EYS: variants seen among roughly 807,000 people sequenced by gnomAD.
The protein encoded by EYS is EGF-like photoreceptor maintenance factor.
In EYS, 250 loss-of-function variants were observed where a neutral mutation model predicts 282.1. The ratio of observed to expected loss-of-function variants is 0.89; its 90% CI spans 0.80 to 0.98. The LOEUF (loss-of-function observed/expected upper bound fraction) is 0.98, where lower values mean the gene tolerates loss of function less well. EYS is among the 50% of genes least tolerant of loss of function. The pLI, the probability that EYS is intolerant of heterozygous loss-of-function variation, is 0.00. For missense variants in EYS, 4,016 were observed against 3,709.0 expected (o/e 1.08, Z -2.15); for synonymous variants, 1,355 against 1,282.9 (o/e 1.06, Z -1.20).
At chr6:65,071,945 T>A (rs1034967086) in intron 12 of EYS, among the ~76,000 whole-genome samples, 22 of 151,928 alleles carry the variant, frequency 1.4e-4, no homozygotes, top group African/African-American at 5.3e-4. Context: ...TGCTCTTTCA[T>A]CTTCTGAACC....
Position 63,992,433 on chromosome 6 carries a change from T to C in EYS, c.6834+6642A>G, listed in dbSNP as rs147448648. 1.8e-3 allele frequency among the ~76,000 whole-genome samples: 277 copies of C among 151,924 alleles called. 1 individual carries two copies. The highest frequency in any genetic ancestry group is 6.3e-3 in the African/African-American group (263 of 41,520). ...TAAGGGCAAAAGTATAAAATAACTA[T>C]AATTATAAAATATGTTAACATGTAC... On this transcript the variant is annotated intron_variant, in intron 34 of 42. Transcript: ENST00000503581.
chr6:65,123,407 G>C (rs1356300538), intron 12 of EYS, among the ~76,000 whole-genome samples: 2 of 152,068 alleles, frequency 1.3e-5, no homozygotes, highest in African/African-American at 2.4e-5. Flanking sequence ...ATGAGAAAAA[G>C]TTGTAATTAA....
At chr6:64,976,137 A>G (rs1187625465) in intron 14 of EYS, among the ~76,000 whole-genome samples, 3 of 152,034 alleles carry the variant, frequency 2.0e-5, no homozygotes, top group Admixed American at 2.0e-4. Flanking sequence ...AAGTGACAGT[A>G]AAAGAAGCTA....
intron 28 of EYS, among the ~76,000 whole-genome samples, chr6:64,393,700 C>A (rs1476864349): frequency 1.3e-5 from 2 of 151,308 alleles, no homozygotes; most frequent in African/African-American, 2.4e-5. Context: ...AAACTGGAAG[C>A]ATTCCCTTTG....
At chr6:64,348,949 C>A (rs990853114) in intron 29 of EYS, among the ~76,000 whole-genome samples, 1 of 151,222 alleles carries the variant, frequency 6.6e-6, no homozygotes, top group Non-Finnish European at 1.5e-5. Flanking sequence ...GTAGTTTTAC[C>A]CAGTGCTTTT....
At chr6:64,343,826 G>A (rs987216248) in intron 29 of EYS, among the ~76,000 whole-genome samples, 9 of 151,814 alleles carry the variant, frequency 5.9e-5, no homozygotes, top group African/African-American at 2.2e-4. Flanking sequence ...TAATAAAGAA[G>A]AAAAGAGAGA....
At chr6:63,796,286 TTACA>T (rs983484070) in intron 37 of EYS, among the ~76,000 whole-genome samples, 3 of 152,142 alleles carry the variant, frequency 2.0e-5, no homozygotes, top group African/African-American at 7.2e-5. Context: ...CTCAAGTTCT[TTACA>T]TAAGGGTTCA....
intron 28 of EYS, among the ~76,000 whole-genome samples, chr6:64,395,540 C>A (rs892772429): frequency 6.6e-6 from 1 of 151,102 alleles, no homozygotes; most frequent in Non-Finnish European, 1.5e-5. Context: ...GAACAAAAAA[C>A]CAAACACCGC....
chr6:64,757,413 G>T (rs1772977162), intron 22 of EYS, among the ~76,000 whole-genome samples: 1 of 151,578 alleles, frequency 6.6e-6, no homozygotes. Flanking sequence ...TAAATATTTT[G>T]TGGCAAAAGA....
intron 24 of EYS, among the ~76,000 whole-genome samples, 157 bp downstream of exon 24, chr6:64,617,261 G>T (rs1036690716): frequency 1.3e-5 from 2 of 152,162 alleles, no homozygotes; most frequent in African/African-American, 4.8e-5. Context: ...ACAAGGGAAA[G>T]AGGAATGCCG....
intron 40 of EYS, among the ~76,000 whole-genome samples, chr6:63,769,167 C>T (rs559900120): frequency 3.9e-5 from 6 of 152,014 alleles, no homozygotes; most frequent in Admixed American, 2.0e-4. Context: ...CACCAAACCT[C>T]GGCAACACAC....
At chr6:64,950,897 G>T (rs941214685) in intron 14 of EYS, among the ~76,000 whole-genome samples, 9 of 142,550 alleles carry the variant, frequency 6.3e-5, no homozygotes, top group Admixed American at 1.5e-4. Flanking sequence ...GAGATAAGAA[G>T]CAAGCAAAGT....
In EYS at chr6:64,945,444, C is replaced by T. The variant is rs1769255664; in HGVS notation, c.2381+349G>A. Reference sequence around the variant, plus strand: ...AAATTGGAAGTTTTAATTTAGCGGACTCACTCCTTTCTTGTCAGAGTGTGG... The same window carrying T: ...AAATTGGAAGTTTTAATTTAGCGGATTCACTCCTTTCTTGTCAGAGTGTGG... On this transcript the variant is annotated intron_variant, in intron 15 of 42. Transcript: ENST00000503581. Among the ~76,000 whole-genome samples, 5 of 152,176 alleles carry T rather than the reference C, an allele frequency of 3.3e-5. No homozygotes were observed. The South Asian group carries it at 1.0e-3, about 32-fold the overall frequency.
chr6:64,108,309 A>G (rs1446189845), intron 31 of EYS, among the ~76,000 whole-genome samples: 1 of 152,122 alleles, frequency 6.6e-6, no homozygotes, highest in Non-Finnish European at 1.5e-5. Flanking sequence ...TTTCTGCTCC[A>G]ATAAATTATA....
intron 28 of EYS, among the ~76,000 whole-genome samples, chr6:64,397,240 G>A (rs13196056): frequency 0.31 from 46,848 of 151,724 alleles, 7,206 homozygotes; most frequent in East Asian, 0.46. Flanking sequence ...TTTTCCATAT[G>A]TTAAGGAATT....
chr6:64,875,298 C>A (rs1177625939), intron 19 of EYS, among the ~76,000 whole-genome samples: 5 of 152,070 alleles, frequency 3.3e-5, no homozygotes, highest in African/African-American at 1.2e-4. Context: ...ATTAGGTGTG[C>A]TCTTCATAAT....
intron 22 of EYS, among the ~76,000 whole-genome samples, chr6:64,703,643 G>A (rs1191956458): frequency 1.3e-5 from 2 of 151,108 alleles, no homozygotes; most frequent in East Asian, 3.9e-4. Flanking sequence ...TGACTCTTTG[G>A]TTCATTACAA....
At chr6:65,144,001 A>G (rs1427360541) in intron 12 of EYS, among the ~76,000 whole-genome samples, 4 of 152,072 alleles carry the variant, frequency 2.6e-5, no homozygotes, top group African/African-American at 4.8e-5. Flanking sequence ...GAAAATGTCC[A>G]TATTGCCCAG....
At chr6:63,803,615 C>G (rs1425392235) in intron 37 of EYS, among the ~76,000 whole-genome samples, 2 of 152,074 alleles carry the variant, frequency 1.3e-5, no homozygotes, top group African/African-American at 4.8e-5. Flanking sequence ...ACTGAGAATC[C>G]CTAAGAATGA....
Sources: allele counts gnomAD v4.1 joint callset (sites outside exome capture counted in the v4.1 genomes callset), GRCh38; gene constraint gnomAD v4.1.1; transcripts MANE v1.5; gene names NCBI Gene and HGNC (gene_info 2026-07-23, HGNC 2026-07-21).